DCDC1: variants seen among roughly 807,000 people sequenced by gnomAD.
DCDC1 encodes the protein doublecortin domain-containing protein 1.
Under a neutral mutation model 178.3 loss-of-function variants are expected in DCDC1, and 200 were observed. The ratio of observed to expected loss-of-function variants is 1.12; its 90% CI spans 1.00 to 1.26. The LOEUF is 1.26. DCDC1 is among the 50% of genes most tolerant of loss of function. The probability of loss-of-function intolerance (pLI) is 0.00; values close to 1 mark genes in which losing one functional copy is unlikely to be tolerated. For missense variants in DCDC1, 1,983 were observed against 1,749.2 expected, an observed-to-expected ratio of 1.13 and a Z score of -2.38; for synonymous variants, 690 against 604.8, an observed-to-expected ratio of 1.14 and a Z score of -2.07.
chr11:30,933,892 G>A (rs1490577671), intron 21 of DCDC1, among the ~76,000 whole-genome samples: 1 of 152,212 alleles, frequency 6.6e-6, no homozygotes, highest in Non-Finnish European at 1.5e-5. Flanking sequence ...ACTGGCTAGA[G>A]TTGTCAGCCC....
rs545373687 is a variant in DCDC1, at chr11:30,875,652, G to A, written c.*40+2892C>T. Among the ~76,000 whole-genome samples, 8 of 152,116 alleles carry A rather than the reference G, an allele frequency of 5.3e-5. No individual in the cohort carries two copies. The East Asian group carries it at 9.7e-4, about 18-fold the overall frequency. On this transcript the variant is annotated intron_variant, in intron 38 of 38. Coordinates refer to ENST00000684477, the MANE Select transcript of DCDC1 (RefSeq NM_001387274.1). ...CTCACAAATGCTTCAACAGCCACGA[G>A]CCACAATTTCTAAGTGAGTCTCTGA...
At chr11:30,969,482 A>G (rs559127636) in intron 20 of DCDC1, among the ~76,000 whole-genome samples, 3 of 152,194 alleles carry the variant, frequency 2.0e-5, no homozygotes, top group Admixed American at 6.5e-5. Flanking sequence ...TTTTGGCTCA[A>G]TGATACTGAT....
At chr11:31,202,689 C>T (rs977284424) in intron 9 of DCDC1, among the ~76,000 whole-genome samples, 1 of 152,008 alleles carries the variant, frequency 6.6e-6, no homozygotes, top group Non-Finnish European at 1.5e-5. Context: ...AGGCTCAAAA[C>T]CAAGATAACC....
At chr11:31,132,601 G>T (rs1454585688) in intron 10 of DCDC1, among the ~76,000 whole-genome samples, 1 of 151,986 alleles carries the variant, frequency 6.6e-6, no homozygotes, top group Non-Finnish European at 1.5e-5. Flanking sequence ...AGCATTAATG[G>T]GTCTGTTCAT....
At chr11:30,888,079 AGAG>A (rs749261040) in intron 36 of DCDC1, among the ~76,000 whole-genome samples, 29 of 119,492 alleles carry the variant, frequency 2.4e-4, no homozygotes, top group South Asian at 9.1e-4. Flanking sequence ...AGAGAGAGAG[AGAG>A]AGAAAGAAAG....
chr11:30,978,807 CACACACACACACACACACA>C (rs1416743555), intron 20 of DCDC1, among the ~76,000 whole-genome samples: 1 of 146,730 alleles, frequency 6.8e-6, no homozygotes, highest in Admixed American at 6.8e-5. Flanking sequence ...CACACACACA[CACACACACACACACACACA>C]CCCCCTTCTC....
intron 9 of DCDC1, among the ~76,000 whole-genome samples, chr11:31,161,049 T>A (rs929331140): frequency 2.0e-5 from 3 of 152,132 alleles, no homozygotes; most frequent in Non-Finnish European, 2.9e-5. Flanking sequence ...AGGAATTTTT[T>A]AAAATCTTTC....
chr11:31,103,549 T>G, intron 14 of DCDC1, 95 bp downstream of exon 14: 1 of 597,034 alleles, frequency 1.7e-6, no homozygotes, highest in South Asian at 2.2e-5. Flanking sequence ...AAAGAGCATC[T>G]TTTAGTGTTT....
intron 38 of DCDC1, among the ~76,000 whole-genome samples, chr11:30,873,940 T>C (rs915794330): frequency 3.9e-5 from 6 of 152,136 alleles, no homozygotes; most frequent in Non-Finnish European, 5.9e-5. Flanking sequence ...TCAAACTCAC[T>C]TGTTTAGCCT....
chr11:31,282,323 T>C (rs914145917), intron 7 of DCDC1, among the ~76,000 whole-genome samples: 1 of 151,866 alleles, frequency 6.6e-6, no homozygotes, highest in Admixed American at 6.6e-5. Flanking sequence ...TAGAGTTCTA[T>C]ATCTAGAAGG....
intron 20 of DCDC1, among the ~76,000 whole-genome samples, chr11:30,973,728 C>A (rs985920496): frequency 6.6e-6 from 1 of 152,034 alleles, no homozygotes; most frequent in Non-Finnish European, 1.5e-5. Flanking sequence ...GCACCCAACA[C>A]GGGTGCATGA....
intron 10 of DCDC1, among the ~76,000 whole-genome samples, chr11:31,133,653 T>C (rs1157920112): frequency 6.6e-6 from 1 of 152,028 alleles, no homozygotes; most frequent in Non-Finnish European, 1.5e-5. Flanking sequence ...GCGTAGCACC[T>C]CTTATTGCCA....
intron 21 of DCDC1, among the ~76,000 whole-genome samples, chr11:30,947,323 AAGCTATAGTAACCAAAATAG>A (rs1244407071): frequency 1.3e-5 from 2 of 152,196 alleles, no homozygotes; most frequent in African/African-American, 4.8e-5. Flanking sequence ...TTGTACTACA[AAGCTATAGTAACCAAAATAG>A]CATGGTACTG....
intron 20 of DCDC1, among the ~76,000 whole-genome samples, chr11:31,061,562 A>T (rs1289131358): frequency 6.6e-6 from 1 of 152,018 alleles, no homozygotes; most frequent in Non-Finnish European, 1.5e-5. Context: ...CCTTAAGAAA[A>T]AAAAGAAGAA....
chr11:30,915,756 C>CACTT, intron 26 of DCDC1, 45 bp from the exon 27 acceptor site: 1 of 1,565,684 alleles, frequency 6.4e-7, no homozygotes, highest in African/African-American at 1.4e-5. Flanking sequence ...ATGTCCCATG[C>CACTT]ACTTGATCAT....
chr11:31,360,357 A>G (rs1398680147), intron 1 of DCDC1, among the ~76,000 whole-genome samples: 1 of 152,186 alleles, frequency 6.6e-6, no homozygotes, highest in African/African-American at 2.4e-5. Context: ...AAAGTCAAGT[A>G]CAGTATTTCT....
At chr11:31,108,155 C>T (rs1319781672) in intron 12 of DCDC1, among the ~76,000 whole-genome samples, 1 of 152,128 alleles carries the variant, frequency 6.6e-6, no homozygotes, top group Non-Finnish European at 1.5e-5. Context: ...AAGTATTAGG[C>T]TTTGTCCTAC....
intron 20 of DCDC1, among the ~76,000 whole-genome samples, chr11:31,057,520 T>C (rs879904049): frequency 6.6e-5 from 10 of 151,968 alleles, no homozygotes; most frequent in Non-Finnish European, 1.2e-4. Flanking sequence ...AATAGTAAAA[T>C]GAGTGCAATG....
chr11:31,233,533 A>G (rs1976082755), intron 9 of DCDC1, among the ~76,000 whole-genome samples: 1 of 152,208 alleles, frequency 6.6e-6, no homozygotes, highest in African/African-American at 2.4e-5. Context: ...ATAAGGTTAA[A>G]TCAGTGACTG....
Sources: allele counts gnomAD v4.1 joint callset (sites outside exome capture counted in the v4.1 genomes callset), GRCh38; gene constraint gnomAD v4.1.1; transcripts MANE v1.5; gene names NCBI Gene and HGNC (gene_info 2026-07-23, HGNC 2026-07-21).